MACROD2: variants seen among roughly 807,000 people sequenced by gnomAD.
MACROD2 encodes ADP-ribose glycohydrolase MACROD2.
A neutral mutation model predicts 70.4 loss-of-function variants in MACROD2; 36 were observed. That is an observed-to-expected ratio of 0.51 (90% CI 0.39 to 0.68). The LOEUF (loss-of-function observed/expected upper bound fraction) is 0.68, where lower values mean the gene tolerates loss of function less well. Ranked by LOEUF, MACROD2 falls within the 30% of genes least tolerant of loss-of-function variation. The pLI is 0.00. For missense variants in MACROD2, 496 were observed against 538.4 expected (o/e 0.92, Z 0.78); for synonymous variants, 172 against 178.8 (o/e 0.96, Z 0.30).
At position 15,754,683 on chromosome 20, in the gene MACROD2, C is replaced by CTTTT. The variant is rs536927554; in HGVS notation, c.646-108047_646-108044dup. Among the ~76,000 whole-genome samples, 94 of 132,738 alleles carry CTTTT rather than the reference C, an allele frequency of 7.1e-4. 1 individual carries two copies. In the East Asian group the frequency reaches 0.02, roughly 28 times the overall value. 87.1% of individuals were successfully genotyped at this position (132,738 alleles called of 152,430 possible). On this transcript the variant is annotated intron_variant, in intron 8 of 17. Coordinates refer to ENST00000684519, the MANE Select transcript of MACROD2 (RefSeq NM_001351661.2). ...CTTGGTTAGAAAGAATCTATTCAAT[C>CTTTT]TTTTTTTTTTTTTTTTTTAAGTGCC...
At chr20:14,842,435 T>TTA (rs2073097111) in intron 5 of MACROD2, among the ~76,000 whole-genome samples, 1 of 152,094 alleles carries the variant, frequency 6.6e-6, no homozygotes, top group African/African-American at 2.4e-5. Flanking sequence ...CACTTACATG[T>TTA]AGAGGTATTT....
At chr20:14,762,471 C>T (rs1458383501) in intron 5 of MACROD2, among the ~76,000 whole-genome samples, 1 of 152,216 alleles carries the variant, frequency 6.6e-6, no homozygotes, top group African/African-American at 2.4e-5. Flanking sequence ...AAAAATAAAA[C>T]CCACCTACCC....
intron 17 of MACROD2, among the ~76,000 whole-genome samples, chr20:16,047,789 T>C (rs1330324365): frequency 6.6e-6 from 1 of 152,222 alleles, no homozygotes; most frequent in African/African-American, 2.4e-5. Flanking sequence ...CTTTAGATTG[T>C]TGATACAGAG....
intron 5 of MACROD2, among the ~76,000 whole-genome samples, chr20:15,124,544 A>T (rs2076053351): frequency 6.6e-6 from 1 of 152,038 alleles, no homozygotes; most frequent in South Asian, 2.1e-4. Context: ...ACTTCTTAAA[A>T]TAGGAAAACA....
At chr20:15,171,958 A>G (rs2076425650) in intron 5 of MACROD2, among the ~76,000 whole-genome samples, 1 of 152,258 alleles carries the variant, frequency 6.6e-6, no homozygotes, top group Non-Finnish European at 1.5e-5. Flanking sequence ...TCCTGAATAA[A>G]TAAATGAGTG....
At chr20:14,401,816 A>G (rs1157637959) in intron 3 of MACROD2, among the ~76,000 whole-genome samples, 1 of 151,978 alleles carries the variant, frequency 6.6e-6, no homozygotes, top group Non-Finnish European at 1.5e-5. Context: ...CTAGATTATA[A>G]TTGTTTTATT....
intron 5 of MACROD2, among the ~76,000 whole-genome samples, chr20:15,044,491 T>G (rs1389860640): frequency 6.6e-6 from 1 of 152,158 alleles, no homozygotes; most frequent in East Asian, 1.9e-4. Flanking sequence ...CCAGACCCAC[T>G]CTTCCCATCT....
Position 14,198,530 on chromosome 20 carries a change from C to T in MACROD2, c.271+112802C>T, listed in dbSNP as rs2081452464. On this transcript the variant is annotated intron_variant, in intron 3 of 17. Coordinates refer to ENST00000684519, the MANE Select transcript of MACROD2 (RefSeq NM_001351661.2). ...AGAATCTAAAACTCTGGTTATTCAT[C>T]AAATGGACACAAAATATTAAAAGAA... Among the ~76,000 whole-genome samples, 4 of 152,274 alleles carry T rather than the reference C, an allele frequency of 2.6e-5. No individual in the cohort carries two copies. The South Asian group carries it at 8.3e-4, about 32-fold the overall frequency.
chr20:14,820,248 CGGCCA>C (rs1568815295), intron 5 of MACROD2, among the ~76,000 whole-genome samples: 1 of 151,860 alleles, frequency 6.6e-6, no homozygotes, highest in African/African-American at 2.4e-5. Context: ...TTCTATCTGC[CGGCCA>C]AAGATCTGGA....
chr20:14,592,389 A>G lies in MACROD2; in HGVS notation c.302-92454A>G, dbSNP rs1981829819. On this transcript the variant is annotated intron_variant, in intron 4 of 17. Transcript: ENST00000684519. ...CGCTAGAAGAAAGGAACATTATTGCAAAGAGGAAATGCATATTCCTTAGTG... is the reference window on the plus strand; with the variant it reads ...CGCTAGAAGAAAGGAACATTATTGCGAAGAGGAAATGCATATTCCTTAGTG... 1.3e-5 allele frequency among the ~76,000 whole-genome samples: 2 copies of G among 152,148 alleles called. 1 individual carries two copies. The highest frequency in any genetic ancestry group is 4.1e-4 in the South Asian group (2 of 4,830).
At position 15,422,712 on chromosome 20, in the gene MACROD2, C is replaced by T. The variant is rs551225950; in HGVS notation, c.541-8693C>T. On this transcript the variant is annotated intron_variant, in intron 6 of 17. Transcript: ENST00000684519. ...GGCATTCAGGATACTATAAAATTGC[C>T]TGTCTCTCTATCACCTTTATCTTGA... 3.9e-5 allele frequency among the ~76,000 whole-genome samples: 6 copies of T among 152,336 alleles called. No individual in the cohort carries two copies. In the South Asian group the frequency reaches 1.2e-3, roughly 32 times the overall value.
At chr20:14,039,624 A>C (rs774944114) in intron 2 of MACROD2, among the ~76,000 whole-genome samples, 9 of 152,120 alleles carry the variant, frequency 5.9e-5, no homozygotes, top group Admixed American at 2.0e-4. Flanking sequence ...AAGCAGGGAA[A>C]ACCGGTGATA....
intron 3 of MACROD2, among the ~76,000 whole-genome samples, chr20:14,232,861 C>T (rs1569218619): frequency 6.6e-6 from 1 of 152,216 alleles, no homozygotes; most frequent in African/African-American, 2.4e-5. Flanking sequence ...TTCAGCTTGT[C>T]TTGGCTTTTG....
chr20:15,156,135 C>G (rs550789637), intron 5 of MACROD2, among the ~76,000 whole-genome samples: 1 of 152,242 alleles, frequency 6.6e-6, no homozygotes, highest in South Asian at 2.1e-4. Context: ...TTCCTTTTTC[C>G]TCACCTTCTT....
chr20:15,843,175 G>C (rs1337854411), intron 8 of MACROD2, among the ~76,000 whole-genome samples: 2 of 152,170 alleles, frequency 1.3e-5, no homozygotes, highest in Middle Eastern at 6.3e-3. Flanking sequence ...AAACAGAGTT[G>C]CATGCTGATG....
chr20:14,100,729 A>T (rs6135058), intron 3 of MACROD2, among the ~76,000 whole-genome samples: 9 of 130,586 alleles, frequency 6.9e-5, no homozygotes, highest in Non-Finnish European at 1.3e-4. Context: ...TTTATATATA[A>T]TATATATAAA....
At chr20:15,794,576 G>A (rs1024906496) in intron 8 of MACROD2, among the ~76,000 whole-genome samples, 5 of 152,132 alleles carry the variant, frequency 3.3e-5, no homozygotes, top group Admixed American at 2.6e-4. Flanking sequence ...ATCAAATCTG[G>A]TGGTTCATTA....
intron 3 of MACROD2, among the ~76,000 whole-genome samples, chr20:14,363,080 A>G (rs2083238424): frequency 6.6e-6 from 1 of 152,110 alleles, no homozygotes; most frequent in Non-Finnish European, 1.5e-5. Context: ...GACTCATATC[A>G]CTCAGCTCCA....
intron 5 of MACROD2, among the ~76,000 whole-genome samples, chr20:15,049,486 A>G (rs1386274572): frequency 6.6e-6 from 1 of 152,204 alleles, no homozygotes; most frequent in Non-Finnish European, 1.5e-5. Context: ...CAATATATGT[A>G]TGATTTTGAT....
Sources: gnomAD v4.1 joint callset for allele counts (sites outside exome capture counted in the v4.1 genomes callset) on GRCh38, gnomAD v4.1.1 for gene constraint, MANE v1.5 for transcripts, NCBI Gene and HGNC (gene_info 2026-07-23, HGNC 2026-07-21) for gene names.